FHOD3: variants seen among roughly 807,000 people sequenced by gnomAD.
FHOD3 encodes FH1/FH2 domain-containing protein 3.
FHOD3 carries 90 observed loss-of-function variants against 173.0 expected under a neutral mutation model. That is an observed-to-expected ratio of 0.52 (90% CI 0.44 to 0.62). The LOEUF is 0.62. Among genes scored for constraint, FHOD3 ranks in the 20% least tolerant of loss-of-function variants. The probability of loss-of-function intolerance (pLI) is 0.00; values close to 1 mark genes in which losing one functional copy is unlikely to be tolerated. For synonymous variants in FHOD3, 828 were observed against 823.0 expected, an observed-to-expected ratio of 1.01 and a Z score of -0.10; for missense variants, 1,945 against 2,034.7, an observed-to-expected ratio of 0.96 and a Z score of 0.85.
At chr18:36,664,848 A>AAAATG in intron 14 of FHOD3, among the ~76,000 whole-genome samples, 1 of 151,434 alleles carries the variant, frequency 6.6e-6, no homozygotes, top group African/African-American at 2.4e-5. Context: ...AGAAAAATGT[A>AAAATG]TTACTGGGCT....
intron 3 of FHOD3, among the ~76,000 whole-genome samples, chr18:36,443,701 C>A (rs1250159623): frequency 1.3e-5 from 2 of 152,134 alleles, no homozygotes; most frequent in African/African-American, 4.8e-5. Flanking sequence ...TGGTTTTATA[C>A]CTCCTGAGAT....
chr18:36,660,397 A>G (rs2036708741), intron 14 of FHOD3, among the ~76,000 whole-genome samples: 1 of 152,190 alleles, frequency 6.6e-6, no homozygotes, highest in Admixed American at 6.5e-5. Flanking sequence ...GGCAGGAGGC[A>G]ACCAATTCTA....
rs1371074919 is a variant in FHOD3, at chr18:36,630,702, T to C, written c.1196+4953T>C. 3.9e-5 allele frequency among the ~76,000 whole-genome samples: 6 copies of C among 152,338 alleles called. No individual in the cohort carries two copies. In the East Asian group the frequency reaches 1.2e-3, roughly 29 times the overall value. On this transcript the variant is annotated intron_variant, in intron 10 of 28. Coordinates refer to ENST00000590592, the MANE Select transcript of FHOD3 (RefSeq NM_001281740.3). ...CTCACCAGAAATGTTCAAGTGGAGC[T>C]GAGGAATCTGCATTGAGAAGCAGCA...
intron 5 of FHOD3, among the ~76,000 whole-genome samples, chr18:36,531,453 G>A (rs916066459): frequency 1.3e-5 from 2 of 152,086 alleles, no homozygotes; most frequent in African/African-American, 4.8e-5. Context: ...AAACACTCTA[G>A]TGGTTGAGAC....
intron 5 of FHOD3, among the ~76,000 whole-genome samples, chr18:36,548,542 G>T (rs868250433): frequency 6.6e-6 from 1 of 152,294 alleles, no homozygotes; most frequent in Admixed American, 6.5e-5. Flanking sequence ...GCTGCATCCA[G>T]TACTCCAGAA....
chr18:36,597,977 T>C (rs1165939419), intron 7 of FHOD3, among the ~76,000 whole-genome samples: 2 of 152,236 alleles, frequency 1.3e-5, no homozygotes, highest in Admixed American at 1.3e-4. Context: ...CTGAATCCTA[T>C]GATGGAATTA....
At chr18:36,653,118 C>A (rs1214372173) in intron 12 of FHOD3, among the ~76,000 whole-genome samples, 189 bp downstream of exon 12, 1 of 152,134 alleles carries the variant, frequency 6.6e-6, no homozygotes, top group Non-Finnish European at 1.5e-5. Context: ...ACATAAGATG[C>A]AGAGAAAATT....
At chr18:36,631,465 A>C (rs1160203219) in intron 10 of FHOD3, among the ~76,000 whole-genome samples, 1 of 152,252 alleles carries the variant, frequency 6.6e-6, no homozygotes, top group African/African-American at 2.4e-5. Flanking sequence ...TGTGTGATGT[A>C]AAATGAAGAG....
chr18:36,349,826 C>A (rs963919076), intron 1 of FHOD3, among the ~76,000 whole-genome samples: 8 of 152,024 alleles, frequency 5.3e-5, no homozygotes, highest in Admixed American at 3.3e-4. Context: ...AGTGCAGTGG[C>A]GCAATCTTGG....
intron 13 of FHOD3, among the ~76,000 whole-genome samples, chr18:36,657,301 C>T (rs529901846): frequency 3.3e-5 from 5 of 152,182 alleles, no homozygotes; most frequent in Non-Finnish European, 7.3e-5. Flanking sequence ...TGAGCCCATG[C>T]AAGGGCATCA....
intron 14 of FHOD3, among the ~76,000 whole-genome samples, chr18:36,671,240 T>C (rs2037514961): frequency 1.3e-5 from 2 of 152,256 alleles, no homozygotes; most frequent in African/African-American, 4.8e-5. Flanking sequence ...CTTTGTCTCC[T>C]CTACTCAGGG....
intron 5 of FHOD3, among the ~76,000 whole-genome samples, chr18:36,573,531 G>C (rs1267695551): frequency 6.6e-6 from 1 of 152,080 alleles, no homozygotes; most frequent in East Asian, 1.9e-4. Flanking sequence ...ATTTGAGCCT[G>C]GGTGGATAAG....
At chr18:36,627,795 G>T (rs1405429113) in intron 10 of FHOD3, among the ~76,000 whole-genome samples, 2 of 152,150 alleles carry the variant, frequency 1.3e-5, no homozygotes, top group Non-Finnish European at 2.9e-5. Context: ...ATTGGGAAAT[G>T]ATTTCTTCCT....
At position 36,625,558 on chromosome 18, in the gene FHOD3, C is replaced by T. The variant is rs149677982; in HGVS notation, c.1005C>T (p.Pro335=). ...EDGDETTEPP[P]SGCRDRRRAS... ...GCGATGAGACCACGGAGCCACCCCC[C>T]AGTGGGTGCCGGGACCGGAGGAGGG... Residue 335 remains proline, a synonymous_variant, in exon 10 of 29, where the codon CCC becomes CCT. Transcript: ENST00000590592. The T allele has an allele frequency of 2.6e-6, 4 of 1,513,452 alleles. No individual in the cohort carries two copies. Among genetic ancestry groups the T allele is most frequent in the Non-Finnish European group, 3.6e-6 (4 of 1,120,246 alleles). The allele number at this position is 1,513,452 out of a possible 1,614,324, so 93.8% of individuals were successfully genotyped here. A position where few individuals can be genotyped will look rare whatever the true frequency, so the allele number is the denominator to read the frequency against.
intron 8 of FHOD3, among the ~76,000 whole-genome samples, chr18:36,606,456 C>T (rs1276553285): frequency 6.6e-6 from 1 of 152,174 alleles, no homozygotes; most frequent in Non-Finnish European, 1.5e-5. Flanking sequence ...TAATGGCATT[C>T]ATCCGATTTA....
At chr18:36,334,942 G>A (rs1471748699) in intron 1 of FHOD3, among the ~76,000 whole-genome samples, 1 of 152,142 alleles carries the variant, frequency 6.6e-6, no homozygotes, top group African/African-American at 2.4e-5. Flanking sequence ...AGTGCTCCAG[G>A]GGCCACCTTC....
At chr18:36,420,156 A>G (rs974627538) in intron 3 of FHOD3, among the ~76,000 whole-genome samples, 21 of 152,160 alleles carry the variant, frequency 1.4e-4, no homozygotes, top group African/African-American at 4.8e-4. Flanking sequence ...TACTGGATTC[A>G]TACTGATCCG....
rs1339493977 is a variant in FHOD3 at position 36,681,481 on chromosome 18, A to G, written c.1881A>G (p.Gln627=). The change falls in exon 15 of 29, where the codon CAA becomes CAG. Residue 627 remains glutamine, a synonymous_variant. Coordinates refer to ENST00000590592, the MANE Select transcript of FHOD3 (RefSeq NM_001281740.3). ...GLLTSSFRQH[Q]ESLAAERERR... ...TCACATCATCCTTCAGGCAGCACCA[A>G]GAGTCACTGGCAGCAGAGAGAGAGA... 10 of 1,613,854 alleles carry G rather than the reference A, an allele frequency of 6.2e-6. No homozygotes were observed. Among genetic ancestry groups the G allele is most frequent in the Non-Finnish European group, 8.5e-6 (10 of 1,179,918 alleles).
intron 3 of FHOD3, among the ~76,000 whole-genome samples, chr18:36,501,309 G>A (rs2055021991): frequency 6.6e-6 from 1 of 152,224 alleles, no homozygotes; most frequent in East Asian, 1.9e-4. Context: ...AGGCCCTCAT[G>A]TGACTAGAAG....
Sources: allele counts gnomAD v4.1 joint callset (sites outside exome capture counted in the v4.1 genomes callset), GRCh38; gene constraint gnomAD v4.1.1; transcripts MANE v1.5; gene names NCBI Gene and HGNC (gene_info 2026-07-23, HGNC 2026-07-21).